SYT14: variants seen among roughly 807,000 people sequenced by gnomAD.
The protein encoded by SYT14 is synaptotagmin 14, also known as synaptotagmin-14.
SYT14 carries 32 observed loss-of-function variants against 74.2 expected under a neutral mutation model. The ratio of observed to expected loss-of-function variants is 0.43; its 90% CI spans 0.33 to 0.58. The LOEUF is 0.58. SYT14 is among the 20% of genes least tolerant of loss of function. The pLI, the probability that SYT14 is intolerant of heterozygous loss-of-function variation, is 0.05. For synonymous variants in SYT14, 298 were observed against 337.7 expected (o/e 0.88, Z 1.29); for missense variants, 791 against 981.8 (o/e 0.81, Z 2.60).
intron 2 of SYT14, among the ~76,000 whole-genome samples, chr1:209,955,236 G>A (rs1220859562): frequency 6.6e-6 from 1 of 152,094 alleles, no homozygotes; most frequent in Non-Finnish European, 1.5e-5. Flanking sequence ...TATCAAATGA[G>A]TTACTTGATG....
intron 2 of SYT14, among the ~76,000 whole-genome samples, chr1:209,969,472 G>A (rs1032388355): frequency 2.0e-5 from 3 of 149,120 alleles, no homozygotes; most frequent in Non-Finnish European, 4.4e-5. Context: ...CTCATTGTGG[G>A]TTGTTTTTTC....
intron 7 of SYT14, 30 bp from the exon 7 acceptor site, chr1:210,155,691 A>G (rs1407973571): frequency 1.9e-6 from 3 of 1,611,376 alleles, no homozygotes; most frequent in Admixed American, 1.7e-5. Context: ...CTCTTGCAAA[A>G]TACTATAAAA....
At chr1:209,952,117 A>G (rs2078920974) in intron 1 of SYT14, among the ~76,000 whole-genome samples, 1 of 152,146 alleles carries the variant, frequency 6.6e-6, no homozygotes, top group Non-Finnish European at 1.5e-5. Flanking sequence ...ACTTTTCTGT[A>G]TTTTTGGTTT....
chr1:210,034,052 A>G (rs1400919292), intron 5 of SYT14, among the ~76,000 whole-genome samples: 1 of 151,854 alleles, frequency 6.6e-6, no homozygotes, highest in African/African-American at 2.4e-5. Context: ...AATAGCTATA[A>G]TTTATGAATG....
chr1:209,972,996 G>T (rs2079284765), intron 2 of SYT14, among the ~76,000 whole-genome samples: 1 of 152,148 alleles, frequency 6.6e-6, no homozygotes, highest in Non-Finnish European at 1.5e-5. Context: ...CATAGGTCTA[G>T]AAGAATTTGT....
exon 4 of SYT14, chr1:210,016,091 A>G: frequency 4.1e-6 from 5 of 1,232,084 alleles, no homozygotes; most frequent in Non-Finnish European, 5.1e-6. Flanking sequence ...GGATTTGACC[A>G]CTGCTGTTGG....
At chr1:209,959,138 A>G (rs910858642) in intron 2 of SYT14, among the ~76,000 whole-genome samples, 1 of 152,088 alleles carries the variant, frequency 6.6e-6, no homozygotes, top group African/African-American at 2.4e-5. Flanking sequence ...TTCTTTTTTT[A>G]AATTTATTAT....
intron 2 of SYT14, among the ~76,000 whole-genome samples, chr1:209,989,732 G>A (rs1190367170): frequency 6.6e-6 from 1 of 152,034 alleles, no homozygotes; most frequent in Non-Finnish European, 1.5e-5. Flanking sequence ...GTATAGTTAT[G>A]TTAACTAGTA....
At chr1:210,125,131 C>T (rs536386844) in intron 7 of SYT14, among the ~76,000 whole-genome samples, 1 of 151,860 alleles carries the variant, frequency 6.6e-6, no homozygotes, top group East Asian at 1.9e-4. Context: ...CTGCATAATG[C>T]TGGAGTTTGA....
Position 210,141,712 on chromosome 1 carries a change from T to C in SYT14, c.2035-14009T>C, listed in dbSNP as rs113743993. Among the ~76,000 whole-genome samples, 1,209 of 152,314 alleles carry C rather than the reference T, an allele frequency of 7.9e-3. 14 individuals carry two copies. The highest frequency in any genetic ancestry group is 0.028 in the African/African-American group (1,144 of 41,576). On this transcript the variant is annotated intron_variant, in intron 7 of 9. Transcript: ENST00000637265. ...ATTTCATTAAGTCTTTGCTGAGGGG[T>C]TCTGTGTATATTGAGCCATGCTTTC...
intron 2 of SYT14, among the ~76,000 whole-genome samples, chr1:209,960,581 A>T (rs1418904858): frequency 6.6e-6 from 1 of 152,134 alleles, no homozygotes; most frequent in Non-Finnish European, 1.5e-5. Context: ...CTCCCATTTG[A>T]ATCAAAGATT....
At chr1:210,103,188 A>C (rs935000182) in intron 7 of SYT14, among the ~76,000 whole-genome samples, 1 of 152,136 alleles carries the variant, frequency 6.6e-6, no homozygotes, top group Non-Finnish European at 1.5e-5. Flanking sequence ...TGAGAGAAAA[A>C]AAAGACCAAT....
At chr1:210,113,613 A>G (rs935561545) in intron 7 of SYT14, among the ~76,000 whole-genome samples, 11 of 150,944 alleles carry the variant, frequency 7.3e-5, no homozygotes, top group South Asian at 2.1e-4. Context: ...TAAGGGGTGC[A>G]TGATCGGTTG....
chr1:210,088,882 AT>A lies in SYT14; in HGVS notation c.1313-5430del, dbSNP rs1012056679. On this transcript the variant is annotated intron_variant, in intron 5 of 9. Coordinates refer to ENST00000637265, the Ensembl canonical transcript of SYT14. ...TTTTCATTATCATTCTCTTCAGGATATTTTTTTTTTATTATACTTTAAGTTC... is the reference window on the plus strand; with the variant it reads ...TTTTCATTATCATTCTCTTCAGGATATTTTTTTTTATTATACTTTAAGTTC... 1.8e-3 allele frequency among the ~76,000 whole-genome samples: 274 copies of A among 148,624 alleles called. 1 individual carries two copies. Among genetic ancestry groups the A allele is most frequent in the African/African-American group, 5.2e-3 (209 of 40,496 alleles).
intron 7 of SYT14, among the ~76,000 whole-genome samples, chr1:210,136,510 C>A (rs535706063): frequency 6.6e-6 from 1 of 152,256 alleles, no homozygotes; most frequent in East Asian, 1.9e-4. Context: ...TTTCCTAGTA[C>A]AATCAAGGAG....
At chr1:209,993,191 G>T (rs1406503445) in intron 2 of SYT14, among the ~76,000 whole-genome samples, 4 of 152,180 alleles carry the variant, frequency 2.6e-5, no homozygotes, top group Non-Finnish European at 5.9e-5. Context: ...GGAAGTGCCA[G>T]CCCCAACTGA....
chr1:210,074,310 A>G (rs1024282922), intron 5 of SYT14, among the ~76,000 whole-genome samples: 8 of 152,226 alleles, frequency 5.3e-5, no homozygotes, highest in Non-Finnish European at 8.8e-5. Flanking sequence ...AGATGAGCAA[A>G]TAAAATCATC....
intron 7 of SYT14, among the ~76,000 whole-genome samples, chr1:210,139,007 A>C (rs1301533394): frequency 1.3e-5 from 2 of 152,134 alleles, no homozygotes; most frequent in African/African-American, 2.4e-5. Context: ...GCTCAGTAAT[A>C]AATGTACTAA....
chr1:210,125,360 G>A (rs2082548719), intron 7 of SYT14, among the ~76,000 whole-genome samples: 2 of 152,164 alleles, frequency 1.3e-5, no homozygotes, highest in African/African-American at 4.8e-5. Flanking sequence ...GCCTCCAGCT[G>A]CATTGGTGTT....
Sources: allele counts gnomAD v4.1 joint callset (sites outside exome capture counted in the v4.1 genomes callset), GRCh38; gene constraint gnomAD v4.1.1; transcripts MANE v1.5; gene names NCBI Gene and HGNC (gene_info 2026-07-23, HGNC 2026-07-21).